SLC6A5: variants seen among roughly 807,000 people sequenced by gnomAD.
SLC6A5 encodes solute carrier family 6 member 5, also known as sodium- and chloride-dependent glycine transporter 2.
A neutral mutation model predicts 90.5 loss-of-function variants in SLC6A5; 58 were observed. The observed-to-expected ratio is 0.64, with a 90% CI of 0.52 to 0.80. SLC6A5 has a LOEUF of 0.80. Among genes scored for constraint, SLC6A5 ranks in the 30% least tolerant of loss-of-function variants. The pLI, the probability that SLC6A5 is intolerant of heterozygous loss-of-function variation, is 0.00. For missense variants in SLC6A5, 1,015 were observed against 1,017.6 expected (o/e 1.00, Z 0.03); for synonymous variants, 427 against 401.4 (o/e 1.06, Z -0.76).
At chr11:20,632,705 T>G (rs779889725) in intron 10 of SLC6A5, among the ~76,000 whole-genome samples, 6 of 152,196 alleles carry the variant, frequency 3.9e-5, no homozygotes, top group Admixed American at 6.5e-5. Flanking sequence ...CTTGCCTTGA[T>G]ATAATGGAGG....
At chr11:20,628,114 A>T in intron 9 of SLC6A5, 31 bp downstream of exon 9, 1 of 1,526,058 alleles carries the variant, frequency 6.6e-7, no homozygotes, top group South Asian at 1.1e-5. Flanking sequence ...ATCTGGGCAT[A>T]GCTGGTGAGT....
chr11:20,637,673 G>C (rs1853235979), intron 12 of SLC6A5, among the ~76,000 whole-genome samples: 1 of 152,168 alleles, frequency 6.6e-6, no homozygotes, highest in African/African-American at 2.4e-5. Flanking sequence ...GATTGCATCT[G>C]TGAATAGCCA....
intron 7 of SLC6A5, among the ~76,000 whole-genome samples, chr11:20,625,056 G>T (rs77549698): frequency 6.6e-6 from 1 of 152,156 alleles, no homozygotes; most frequent in Non-Finnish European, 1.5e-5. Context: ...GACACAGTTC[G>T]TAAGTGCTGG....
intron 10 of SLC6A5, among the ~76,000 whole-genome samples, chr11:20,635,744 ATT>A (rs1853192554): frequency 2.0e-5 from 3 of 152,284 alleles, no homozygotes; most frequent in African/African-American, 7.2e-5. Context: ...CACTATTGAC[ATT>A]TGAGACAGGA....
At chr11:20,605,293 AG>A (rs1394238208) in intron 3 of SLC6A5, among the ~76,000 whole-genome samples, 4 of 152,148 alleles carry the variant, frequency 2.6e-5, no homozygotes, top group Non-Finnish European at 5.9e-5. Context: ...AGGCAGTTTA[AG>A]GGTTTTTGTT....
At chr11:20,636,638 C>T (rs1191834335) in intron 11 of SLC6A5, among the ~76,000 whole-genome samples, 11 of 152,124 alleles carry the variant, frequency 7.2e-5, no homozygotes. Context: ...TCTCTCCTTC[C>T]TTCTCCCTCT....
At chr11:20,653,955 A>C (rs1221887107) in intron 15 of SLC6A5, among the ~76,000 whole-genome samples, 1 of 152,266 alleles carries the variant, frequency 6.6e-6, no homozygotes, top group Non-Finnish European at 1.5e-5. Context: ...AACAGCTCTA[A>C]GTACCAGCTT....
At chr11:20,604,255 T>A in intron 2 of SLC6A5, 31 bp from the exon 3 acceptor site, 4 of 1,589,596 alleles carry the variant, frequency 2.5e-6, no homozygotes, top group Non-Finnish European at 3.4e-6. Context: ...TACTCGGGGC[T>A]GTTATCGACA....
rs150677070 is a variant in SLC6A5 at position 20,637,446 on chromosome 11, T to A, written c.1869+143T>A. On this transcript the variant is annotated intron_variant, in intron 12 of 15. Transcript: ENST00000525748. ...TTCCATGTAGATGGCACCAGTTCAT[T>A]AGGGATTCTGACTGCAGAGGGAAAT... 9.9e-4 allele frequency: 742 copies of A among 749,026 alleles called. 7 individuals are homozygous for A. The East Asian group carries it at 0.018, about 18-fold the overall frequency. The allele number at this position is 749,026 out of a possible 1,614,324, so 46.4% of individuals were successfully genotyped here.
rs1259829808 is a variant in SLC6A5 at position 20,655,423 on chromosome 11, T to C, written c.*555T>C. On this transcript the variant is annotated 3_prime_UTR_variant, in exon 16 of 16. Coordinates refer to ENST00000525748, the MANE Select transcript of SLC6A5 (RefSeq NM_004211.5). ...GACACCACTGAGGTGGTTAAGTTTA[T>C]ATTTCCAGTCACCACTGGGGATCTG... 1 of 165,004 alleles carries C rather than the reference T, an allele frequency of 6.1e-6. No individual in the cohort carries two copies. Among genetic ancestry groups the C allele is most frequent in the Non-Finnish European group, 1.3e-5 (1 of 74,436 alleles). 10.2% of individuals were successfully genotyped at this position (165,004 alleles called of 1,614,324 possible).
At chr11:20,625,292 G>T (rs1852971222) in intron 7 of SLC6A5, among the ~76,000 whole-genome samples, 1 of 152,014 alleles carries the variant, frequency 6.6e-6, no homozygotes, top group Non-Finnish European at 1.5e-5. Flanking sequence ...ATGGAGTTTT[G>T]CTCTTGTCAC....
At chr11:20,645,374 G>C (rs1292528746) in intron 13 of SLC6A5, among the ~76,000 whole-genome samples, 1 of 152,060 alleles carries the variant, frequency 6.6e-6, no homozygotes, top group Admixed American at 6.5e-5. Flanking sequence ...GCAGAAGTGG[G>C]AGAGGTGGCC....
intron 10 of SLC6A5, among the ~76,000 whole-genome samples, chr11:20,634,974 C>T (rs1853176614): frequency 6.6e-6 from 1 of 152,044 alleles, no homozygotes; most frequent in Non-Finnish European, 1.5e-5. Flanking sequence ...CCTTTGATTA[C>T]AGTAATCTTC....
At chr11:20,602,153 A>G (rs1052264284) in intron 2 of SLC6A5, among the ~76,000 whole-genome samples, 15 of 152,350 alleles carry the variant, frequency 9.8e-5, no homozygotes, top group African/African-American at 3.6e-4. Flanking sequence ...TTATTACATG[A>G]GAACTCATTT....
intron 12 of SLC6A5, among the ~76,000 whole-genome samples, chr11:20,638,077 C>T (rs769443917): frequency 1.3e-5 from 2 of 152,108 alleles, no homozygotes; most frequent in Admixed American, 6.5e-5. Context: ...TAAAGGTCAT[C>T]GGAGGGTCAA....
At position 20,658,640 on chromosome 11, in the gene SLC6A5, G is replaced by T. The variant is rs1203520466; in HGVS notation, c.*3772G>T. ...TTGCCCAGAAAGGCCAAGTAGTTTT[G>T]AAATGTGGTCTTTGCTCAGGTCACC... is the stretch of plus-strand genomic sequence containing the variant. On this transcript the variant is annotated 3_prime_UTR_variant, in exon 16 of 16. Coordinates refer to ENST00000525748, the MANE Select transcript of SLC6A5 (RefSeq NM_004211.5). 5 of 152,152 alleles carry T rather than the reference G, an allele frequency of 3.3e-5. No homozygotes were observed. Among genetic ancestry groups the T allele is most frequent in the Non-Finnish European group, 7.3e-5 (5 of 68,032 alleles). The allele number at this position is 152,152 out of a possible 1,614,324, so 9.4% of individuals were successfully genotyped here.
chr11:20,652,953 A>C (rs1853570127), intron 15 of SLC6A5, among the ~76,000 whole-genome samples: 1 of 152,198 alleles, frequency 6.6e-6, no homozygotes. Flanking sequence ...CTGTTCCCAC[A>C]GAATGTAGTG....
At chr11:20,638,385 T>C in intron 12 of SLC6A5, 74 bp from the exon 13 acceptor site, 1 of 886,918 alleles carries the variant, frequency 1.1e-6, no homozygotes, top group Non-Finnish European at 1.9e-6. Context: ...TTGAGAGAAC[T>C]GGCTGTTAAA....
intron 10 of SLC6A5, among the ~76,000 whole-genome samples, chr11:20,634,084 C>T (rs899530852): frequency 6.6e-6 from 1 of 152,168 alleles, no homozygotes; most frequent in Non-Finnish European, 1.5e-5. Flanking sequence ...ATTGGCCAGG[C>T]TGGTCTTGAA....
Sources: allele counts gnomAD v4.1 joint callset (sites outside exome capture counted in the v4.1 genomes callset), GRCh38; gene constraint gnomAD v4.1.1; transcripts MANE v1.5; gene names NCBI Gene and HGNC (gene_info 2026-07-23, HGNC 2026-07-21).